CRIM1: variants seen among roughly 807,000 people sequenced by gnomAD.
CRIM1 encodes the protein cysteine-rich motor neuron 1 protein.
In CRIM1, 32 loss-of-function variants were observed where a neutral mutation model predicts 116.4. The ratio of observed to expected loss-of-function variants is 0.27; its 90% CI spans 0.21 to 0.37. The LOEUF is 0.37. Ranked by LOEUF, CRIM1 falls within the 10% of genes least tolerant of loss-of-function variation. CRIM1 has a pLI of 1.00. For synonymous variants in CRIM1, 590 were observed against 509.2 expected (o/e 1.16, Z -2.13); for missense variants, 1,331 against 1,354.8 (o/e 0.98, Z 0.28).
At chr2:36,417,096 G>A (rs1049310681) in intron 2 of CRIM1, among the ~76,000 whole-genome samples, 1 of 152,158 alleles carries the variant, frequency 6.6e-6, no homozygotes, top group Non-Finnish European at 1.5e-5. Context: ...CTCTTCAGAA[G>A]GCTGTCATTC....
intron 1 of CRIM1, among the ~76,000 whole-genome samples, chr2:36,395,754 CT>C (rs1359303277): frequency 6.6e-6 from 1 of 152,066 alleles, no homozygotes; most frequent in African/African-American, 2.4e-5. Flanking sequence ...TTTGTTGTTT[CT>C]GGCTTTGGGT....
At chr2:36,453,359 C>T (rs1239736685) in intron 4 of CRIM1, among the ~76,000 whole-genome samples, 1 of 152,150 alleles carries the variant, frequency 6.6e-6, no homozygotes, top group Non-Finnish European at 1.5e-5. Flanking sequence ...TATGTCATGG[C>T]TCTTATGATA....
rs1039230254 is a variant in CRIM1, at chr2:36,473,256, G to A, written c.992-3633G>A. Among the ~76,000 whole-genome samples the A allele has an allele frequency of 2.0e-5, 3 of 152,168 alleles. No homozygotes were observed. The East Asian group carries it at 5.8e-4, about 29-fold the overall frequency. On this transcript the variant is annotated intron_variant, in intron 5 of 16. Coordinates refer to ENST00000280527, the MANE Select transcript of CRIM1 (RefSeq NM_016441.3). ...AAATGATTTGGGGATGGACAGAAGA[G>A]CCCTTGAAAGATGGGGATATCATCA...
intron 2 of CRIM1, among the ~76,000 whole-genome samples, chr2:36,399,863 A>G (rs1672290118): frequency 6.6e-6 from 1 of 152,322 alleles, no homozygotes; most frequent in African/African-American, 2.4e-5. Context: ...GAAAGAGGAA[A>G]ATGTAAACAG....
At chr2:36,538,337 C>T (rs1666700529) in intron 14 of CRIM1, among the ~76,000 whole-genome samples, 2 of 152,170 alleles carry the variant, frequency 1.3e-5, no homozygotes, top group South Asian at 4.2e-4. Flanking sequence ...GGACTGACCC[C>T]TAGACACACA....
At chr2:36,491,455 G>C (rs950962697) in intron 7 of CRIM1, among the ~76,000 whole-genome samples, 2 of 152,136 alleles carry the variant, frequency 1.3e-5, no homozygotes, top group Non-Finnish European at 2.9e-5. Flanking sequence ...CTGCCACAGT[G>C]GTGTGGACCC....
At chr2:36,546,302 A>G (rs1050782833) in intron 15 of CRIM1, among the ~76,000 whole-genome samples, 2 of 152,200 alleles carry the variant, frequency 1.3e-5, no homozygotes, top group African/African-American at 4.8e-5. Context: ...TCATTGTAAG[A>G]GAGATATTTT....
At chr2:36,465,801 A>T (rs1558334022) in intron 5 of CRIM1, among the ~76,000 whole-genome samples, 1 of 152,192 alleles carries the variant, frequency 6.6e-6, no homozygotes, top group African/African-American at 2.4e-5. Flanking sequence ...CTACATCTCT[A>T]AAATGGACTG....
At chr2:36,496,247 A>G (rs1390896812) in intron 7 of CRIM1, among the ~76,000 whole-genome samples, 1 of 152,258 alleles carries the variant, frequency 6.6e-6, no homozygotes, top group African/African-American at 2.4e-5. Context: ...TGTCTTCTTA[A>G]GAAAACCTAG....
At chr2:36,516,959 A>G (rs986553275) in intron 11 of CRIM1, among the ~76,000 whole-genome samples, 3 of 152,232 alleles carry the variant, frequency 2.0e-5, no homozygotes, top group African/African-American at 7.2e-5. Context: ...AACCGTACCA[A>G]GTATTCTGTA....
Position 36,442,699 on chromosome 2 carries a change from G to C in CRIM1, c.833G>C (p.Arg278Thr), listed in dbSNP as rs1480171778. 1.2e-6 allele frequency: 2 copies of C among 1,614,068 alleles called. No individual in the cohort carries two copies. The highest frequency in any genetic ancestry group is 1.7e-6 in the Non-Finnish European group (2 of 1,180,030). ...CCGGACAGCTATGAAACTCAAGTCAGACTAACTGCAGATGGTTGCTGTACT... is the reference window on the plus strand; with the variant it reads ...CCGGACAGCTATGAAACTCAAGTCACACTAACTGCAGATGGTTGCTGTACT... ...CPPDSYETQV[R>T]LTADGCCTLP... is the part of the protein sequence containing the mutation. Residue 278 changes from arginine to threonine, a missense_variant, in exon 4 of 17, where the codon AGA (arginine) becomes ACA (threonine). Arg to Thr is a moderately conservative substitution (Grantham distance 71). Around this residue, in one of 3 missense-constraint regions of CRIM1, gnomAD observed 690 missense variants for 676.0 expected, o/e 1.02. Transcript: ENST00000280527.
chr2:36,523,735 T>TG (rs1665571457), intron 13 of CRIM1, among the ~76,000 whole-genome samples: 1 of 152,082 alleles, frequency 6.6e-6, no homozygotes, highest in Non-Finnish European at 1.5e-5. Flanking sequence ...ATATCTGGAG[T>TG]GATAGATGGG....
Position 36,361,182 on chromosome 2 carries a change from A to C in CRIM1, c.331+4559A>C, listed in dbSNP as rs114246365. Among the ~76,000 whole-genome samples the C allele has an allele frequency of 4.2e-3, 644 of 152,308 alleles. 9 individuals carry two copies. Among genetic ancestry groups the C allele is most frequent in the African/African-American group, 0.015 (624 of 41,574 alleles). Reference sequence around the variant, plus strand: ...TCCTGTCACATAAAACACTTGGCAAAGGGCAGATGGATTGTGTATTATCAG... The same window carrying C: ...TCCTGTCACATAAAACACTTGGCAACGGGCAGATGGATTGTGTATTATCAG... On this transcript the variant is annotated intron_variant, in intron 1 of 16. Coordinates refer to ENST00000280527, the MANE Select transcript of CRIM1 (RefSeq NM_016441.3).
chr2:36,468,731 G>T (rs1678246815), intron 5 of CRIM1, among the ~76,000 whole-genome samples: 1 of 152,190 alleles, frequency 6.6e-6, no homozygotes, highest in African/African-American at 2.4e-5. Context: ...TAGATGGGTG[G>T]ATGCTCTCCA....
chr2:36,463,632 C>T (rs563595939), intron 4 of CRIM1, among the ~76,000 whole-genome samples: 2 of 152,312 alleles, frequency 1.3e-5, no homozygotes, highest in Admixed American at 6.5e-5. Flanking sequence ...CACCCAGCTG[C>T]CCTAAGTTTC....
intron 2 of CRIM1, among the ~76,000 whole-genome samples, chr2:36,425,570 A>G (rs1475154559): frequency 6.6e-6 from 1 of 152,180 alleles, no homozygotes; most frequent in Non-Finnish European, 1.5e-5. Context: ...TTCTTGCTTC[A>G]CAATAACATA....
At chr2:36,544,277 A>G in intron 14 of CRIM1, 99 bp from the exon 15 acceptor site, 1 of 1,060,842 alleles carries the variant, frequency 9.4e-7, no homozygotes, top group Non-Finnish European at 1.2e-6. Flanking sequence ...GTCCCAGGAA[A>G]TGTGGTCTTG....
intron 1 of CRIM1, among the ~76,000 whole-genome samples, chr2:36,363,155 G>A (rs999426064): frequency 2.5e-4 from 36 of 146,144 alleles, no homozygotes; most frequent in African/African-American, 7.9e-4. Context: ...AGCTGAAATC[G>A]CACCACTGCA....
chr2:36,527,539 G>T (rs539703365), intron 13 of CRIM1, among the ~76,000 whole-genome samples: 2 of 132,334 alleles, frequency 1.5e-5, no homozygotes, highest in Non-Finnish European at 3.5e-5. Flanking sequence ...TCTTCAACTC[G>T]CAAATGATTA....
Sources: gnomAD v4.1 joint callset for allele counts (sites outside exome capture counted in the v4.1 genomes callset) on GRCh38, gnomAD v4.1.1 for gene constraint, gnomAD v4.1.1 regional missense constraint, MANE v1.5 for transcripts, NCBI Gene and HGNC (gene_info 2026-07-23, HGNC 2026-07-21) for gene names.